Variants in NEB observed in about 807,000 individuals in gnomAD.
NEB encodes nemaline myopathy type 2.
NEB carries 512 observed loss-of-function variants against 952.2 expected under a neutral mutation model. The observed-to-expected ratio is 0.54, with a 90% confidence interval of 0.50 to 0.58. The LOEUF is 0.58. NEB is among the 20% of genes least tolerant of loss of function. NEB has a pLI of 0.00. For missense variants in NEB, 8,428 were observed against 9,231.1 expected, an observed-to-expected ratio of 0.91 and a Z score of 3.56; for synonymous variants, 2,900 against 3,149.8, an observed-to-expected ratio of 0.92 and a Z score of 2.66.
At chr2:151,613,257 T>C (rs2098073969) in intron 77 of NEB, among the ~76,000 whole-genome samples, 1 of 152,234 alleles carries the variant, frequency 6.6e-6, no homozygotes, top group Admixed American at 6.5e-5. Context: ...GAACAATTGT[T>C]TTCAAGTTTC....
chr2:151,546,839 G>T (rs549597397), intron 133 of NEB, among the ~76,000 whole-genome samples: 1 of 152,150 alleles, frequency 6.6e-6, no homozygotes, highest in African/African-American at 2.4e-5. Flanking sequence ...GATTACAGGC[G>T]TGAGCCACCG....
intron 2 of NEB, among the ~76,000 whole-genome samples, chr2:151,733,408 T>C (rs2099813543): frequency 6.6e-6 from 1 of 152,236 alleles, no homozygotes; most frequent in South Asian, 2.1e-4. Context: ...TACTTCTACA[T>C]AATCAGTTTA....
At position 151,612,228 on chromosome 2, in the gene NEB, C is replaced by A. The variant is rs554366790; in HGVS notation, c.11763G>T (p.Pro3921=). 2 of 1,613,808 alleles carry A rather than the reference C, an allele frequency of 1.2e-6. No individual in the cohort carries two copies. Among genetic ancestry groups the A allele is most frequent in the Non-Finnish European group, 1.7e-6 (2 of 1,179,810 alleles). The change falls in exon 78 of 182, where the codon CCG becomes CCT. Residue 3921 remains proline, a synonymous_variant. Transcript: ENST00000397345. ...CATTATTCTTTGCTAGGACAATTTCCGGAGTGTCGGTAATGCATGTGAATT... is the reference window on the plus strand; with the variant it reads ...CATTATTCTTTGCTAGGACAATTTCAGGAGTGTCGGTAATGCATGTGAATT... The part of the protein sequence containing the change: ...QLKFTCITDT[P]EIVLAKNNAL...
intron 112 of NEB, 38 bp downstream of exon 112, chr2:151,568,278 T>C: frequency 5.0e-6 from 8 of 1,601,944 alleles, no homozygotes; most frequent in Non-Finnish European, 6.8e-6. Flanking sequence ...GGCCCTCCAC[T>C]CGTACACAAA....
intron 52 of NEB, among the ~76,000 whole-genome samples, chr2:151,653,066 CT>C: frequency 6.6e-6 from 1 of 152,222 alleles, no homozygotes; most frequent in African/African-American, 2.4e-5. Flanking sequence ...AAATCTTCCC[CT>C]ATATTCTTAG....
Position 151,627,549 on chromosome 2 carries a change from G to A in NEB, c.10117C>T (p.Arg3373Trp), listed in dbSNP as rs750824184. 1.7e-5 allele frequency: 27 copies of A among 1,613,860 alleles called. No homozygotes were observed. Among genetic ancestry groups the A allele is most frequent in the East Asian group, 1.1e-4 (5 of 44,894 alleles). The change falls in exon 69 of 182, where the codon CGG becomes TGG. Residue 3373 changes from arginine to tryptophan, a missense_variant. By Grantham distance (101) the Arg-to-Trp change is moderately radical. Transcript: ENST00000397345. The stretch of plus-strand genomic sequence containing the variant: ...TCGCTCTGGAGGTCATAGGCCTGCC[G>A]AGCATGGATGACATCATTCTGGTCG... ...LPDQNDVIHA[R>W]QAYDLQSDNI...
At chr2:151,537,835 G>C (rs1559674813) in intron 140 of NEB, 37 bp downstream of exon 140, 1 of 1,364,172 alleles carries the variant, frequency 7.3e-7, no homozygotes, top group Non-Finnish European at 1.0e-6. Context: ...ATGGGAATAT[G>C]AATTTATATG....
At chr2:151,502,066 C>T (rs1489804191) in intron 167 of NEB, among the ~76,000 whole-genome samples, 1 of 152,032 alleles carries the variant, frequency 6.6e-6, no homozygotes, top group Non-Finnish European at 1.5e-5. Flanking sequence ...AGCTGCAAAC[C>T]AGTGACCTCT....
Position 151,591,497 on chromosome 2 carries a change from GAGCTAC to G in NEB, c.14827-48_14827-43del, listed in dbSNP as rs762515136. The G allele has an allele frequency of 1.3e-4, 193 of 1,467,258 alleles. No homozygotes were observed. The South Asian group carries it at 2.3e-3, about 17-fold the overall frequency. 90.9% of individuals were successfully genotyped at this position (1,467,258 alleles called of 1,614,324 possible). A position where few individuals can be genotyped will look rare whatever the true frequency, so the allele number is the denominator to read the frequency against. On this transcript the variant is annotated intron_variant, in intron 95 of 181. Coordinates refer to ENST00000397345, the MANE Select transcript of NEB (RefSeq NM_001164508.2). ...CAATGCCACAGTCAGTCTGAAGAGG[GAGCTAC>G]TGAGTCAGCATTACTGATGTATTTA... is the stretch of plus-strand genomic sequence containing the variant.
Position 151,612,192 on chromosome 2 carries a change from C to A in NEB, c.11799G>T (p.Met3933Ile). Reference protein sequence around the residue: ...IVLAKNNALTMSKHLYTEAWD... With the variant: ...IVLAKNNALTISKHLYTEAWD... ...AAAACAGCTGGAGACTCACCTTGCTCATTGTCAGGGCATTATTCTTTGCTA... is the reference window on the plus strand; with the variant it reads ...AAAACAGCTGGAGACTCACCTTGCTAATTGTCAGGGCATTATTCTTTGCTA... The change falls in exon 78 of 182, where the codon ATG becomes ATT. Residue 3933 changes from methionine to isoleucine, a missense_variant. This residue lies in a region of NEB where 337 missense variants were observed against 297.5 expected (regional missense o/e 1.13). Coordinates refer to ENST00000397345, the MANE Select transcript of NEB (RefSeq NM_001164508.2). 6.2e-7 allele frequency: 1 copy of A among 1,613,218 alleles called. No homozygotes were observed. The highest frequency in any genetic ancestry group is 1.1e-5 in the South Asian group (1 of 91,028).
At chr2:151,560,933 A>C in intron 123 of NEB, 71 bp downstream of exon 123, 1 of 956,158 alleles carries the variant, frequency 1.0e-6, no homozygotes, top group Admixed American at 2.6e-5. Context: ...TGTCCATCCC[A>C]TTTATTCTCT....
At chr2:151,499,265 A>C (rs1210235709) in intron 169 of NEB, 33 bp downstream of exon 169, 12 of 1,117,012 alleles carry the variant, frequency 1.1e-5, no homozygotes, top group Non-Finnish European at 1.5e-5. Context: ...ACATTTTTTT[A>C]AATAATTAAA....
Position 151,614,567 on chromosome 2 carries a change from G to T in NEB, c.11310C>A (p.Tyr3770Ter). 6.2e-7 allele frequency: 1 copy of T among 1,613,532 alleles called. No individual in the cohort carries two copies. Residue 3770 changes from tyrosine (Y) to a stop codon, truncating the protein, a stop_gained, in exon 77 of 182, where the codon TAC becomes TAA. Coordinates refer to ENST00000397345, the MANE Select transcript of NEB (RefSeq NM_001164508.2). LOFTEE classifies it high-confidence loss of function. ...CAATATGGTGGCCAAGCTGTTTGCG[G>T]TAGCCTTCCTTGTACTTGTACTAAA... ...IASDYKYKEG[Y>*]RKQLGHHIGA... is the part of the protein sequence containing the mutation.
chr2:151,614,407 C>A lies in NEB; in HGVS notation c.11470G>T (p.Val3824Leu). Residue 3824 changes from valine to leucine, a missense_variant, in exon 77 of 182, where the codon GTG becomes TTG. Val to Leu is a conservative substitution (Grantham distance 32, BLOSUM62 1). Transcript: ENST00000397345. The stretch of plus-strand genomic sequence containing the variant: ...ATCTGACACTTCTTGGCCAGCACCA[C>A]CCCCAGCATGTCCACTGGGCTGCTG... ...KFSSPVDMLG[V>L]VLAKKCQILV... The A allele has an allele frequency of 6.2e-7, 1 of 1,613,894 alleles. No individual in the cohort carries two copies. Among genetic ancestry groups the A allele is most frequent in the South Asian group, 1.1e-5 (1 of 91,076 alleles).
At chr2:151,538,070 TA>T in intron 139 of NEB, 69 bp downstream of exon 139, 2 of 1,510,942 alleles carry the variant, frequency 1.3e-6, no homozygotes, top group South Asian at 1.1e-5. Context: ...GGGAGGTTGC[TA>T]AAAAATATAT....
rs2098920463 is a variant in NEB at position 151,643,936 on chromosome 2, T to C, written c.7838A>G (p.Lys2613Arg). ...PVDMLGVVLAKKCQTLVSDVD... is the reference protein window; with the variant it reads ...PVDMLGVVLARKCQTLVSDVD... Reference sequence around the variant, plus strand: ...GTCGCTGACTAAGGTCTGGCACTTCTTGGCCAACACCACCCCCAGCATGTC... The same window carrying C: ...GTCGCTGACTAAGGTCTGGCACTTCCTGGCCAACACCACCCCCAGCATGTC... The change falls in exon 57 of 182, where the codon AAG becomes AGG. Residue 2613 changes from lysine to arginine, a missense_variant. Lys to Arg is a conservative substitution (Grantham distance 26, BLOSUM62 2). Around this residue, in one of 11 missense-constraint regions of NEB, gnomAD observed 1,772 missense variants for 1,960.3 expected, o/e 0.90. Transcript: ENST00000397345. 6.2e-7 allele frequency: 1 copy of C among 1,613,940 alleles called. No individual in the cohort carries two copies. The highest frequency in any genetic ancestry group is 2.2e-5 in the East Asian group (1 of 44,872).
At chr2:151,489,885 A>G in intron 181 of NEB, 86 bp downstream of exon 181, 1 of 1,018,426 alleles carries the variant, frequency 9.8e-7, no homozygotes, top group Admixed American at 2.0e-5. Context: ...TGGTTAAAAA[A>G]AACCGTAATA....
chr2:151,532,995 A>G (rs1020654101), intron 143 of NEB, among the ~76,000 whole-genome samples: 18 of 152,194 alleles, frequency 1.2e-4, no homozygotes, highest in African/African-American at 3.9e-4. Context: ...TATATACAAT[A>G]TTCATAGAGC....
At chr2:151,682,963 C>T (rs4289189) in intron 28 of NEB, among the ~76,000 whole-genome samples, 194 bp from the exon 29 acceptor site, 102,973 of 152,042 alleles carry the variant, frequency 0.68, 38,578 homozygotes, top group Non-Finnish European at 0.83. Context: ...TTCTAACTGG[C>T]GTTATGTTCC....
Sources: gnomAD v4.1 joint callset for allele counts (sites outside exome capture counted in the v4.1 genomes callset) on GRCh38, gnomAD v4.1.1 for gene constraint, gnomAD v4.1.1 regional missense constraint, MANE v1.5 for transcripts, NCBI Gene and HGNC (gene_info 2026-07-23, HGNC 2026-07-21) for gene names.